KIF20B: variants seen among roughly 807,000 people sequenced by gnomAD.
KIF20B encodes kinesin family member 20B.
In KIF20B, 188 loss-of-function variants were observed where a neutral mutation model predicts 232.5. The ratio of observed to expected loss-of-function variants is 0.81; its 90% CI spans 0.72 to 0.91. The LOEUF is 0.91. KIF20B is among the 40% of genes least tolerant of loss of function. The pLI, the probability that KIF20B is intolerant of heterozygous loss-of-function variation, is 0.00. For synonymous variants in KIF20B, 712 were observed against 683.0 expected, an observed-to-expected ratio of 1.04 and a Z score of -0.66; for missense variants, 2,154 against 2,055.9, an observed-to-expected ratio of 1.05 and a Z score of -0.92.
intron 1 of KIF20B, among the ~76,000 whole-genome samples, chr10:89,702,058 A>G (rs1842622848): frequency 6.6e-6 from 1 of 152,240 alleles, no homozygotes; most frequent in South Asian, 2.1e-4. Flanking sequence ...GCTGGCACAC[A>G]GTAGGTACTA....
In KIF20B at chr10:89,774,686, T is replaced by G. The variant is rs1299412473; in HGVS notation, c.*638T>G. The G allele has an allele frequency of 6.6e-6, 1 of 152,000 alleles. No homozygotes were observed. The highest frequency in any genetic ancestry group is 1.9e-4 in the East Asian group (1 of 5,184). The allele number at this position is 152,000 out of a possible 1,614,324, so 9.4% of individuals were successfully genotyped here. A position where few individuals can be genotyped will look rare whatever the true frequency, so the allele number is the denominator to read the frequency against. ...CATTTTTCCTTTGAATTACAGATAATCCAATTACATTCTTTAGATCATTTA... is the reference window on the plus strand; with the variant it reads ...CATTTTTCCTTTGAATTACAGATAAGCCAATTACATTCTTTAGATCATTTA... On this transcript the variant is annotated 3_prime_UTR_variant, in exon 33 of 33. Coordinates refer to ENST00000371728, the MANE Select transcript of KIF20B (RefSeq NM_001284259.2).
At chr10:89,760,107 A>C (rs1842206804) in intron 27 of KIF20B, among the ~76,000 whole-genome samples, 1 of 152,184 alleles carries the variant, frequency 6.6e-6, no homozygotes, top group Admixed American at 6.6e-5. Flanking sequence ...TATCAAAAGC[A>C]ACTGTTGGGA....
intron 21 of KIF20B, among the ~76,000 whole-genome samples, chr10:89,743,348 T>G (rs191669537): frequency 1.8e-4 from 27 of 152,336 alleles, no homozygotes; most frequent in Admixed American, 1.3e-3. Context: ...CGTGGGTACC[T>G]TTTGATTTTG....
rs769322639 is a variant in KIF20B, at chr10:89,717,572, T to C, written c.1125-4T>C. The stretch of plus-strand genomic sequence containing the variant: ...TTTAAAGTACTTTTTTTTTCTTAAT[T>C]CAGATTATCTTTATGTGATCTTGCT... On this transcript the variant is annotated splice_polypyrimidine_tract_variant and splice_region_variant and intron_variant, in intron 10 of 32. Transcript: ENST00000371728. 1.2e-6 allele frequency: 2 copies of C among 1,603,322 alleles called. No homozygotes were observed. Among genetic ancestry groups the C allele is most frequent in the African/African-American group, 2.7e-5 (2 of 74,188 alleles).
chr10:89,747,845 C>A (rs1158907499), intron 23 of KIF20B, among the ~76,000 whole-genome samples: 4 of 150,572 alleles, frequency 2.7e-5, no homozygotes, highest in Admixed American at 6.6e-5. Context: ...ATGTAACTAA[C>A]CTGCACATTG....
intron 23 of KIF20B, among the ~76,000 whole-genome samples, chr10:89,747,103 G>A (rs1272018183): frequency 2.6e-5 from 4 of 152,148 alleles, no homozygotes; most frequent in African/African-American, 9.7e-5. Flanking sequence ...CTCAAAAGAA[G>A]ACATTTATGC....
chr10:89,716,572 A>G (rs751974944), intron 9 of KIF20B, 25 bp downstream of exon 9: 2 of 1,095,574 alleles, frequency 1.8e-6, no homozygotes, highest in East Asian at 2.4e-5. Flanking sequence ...CTGTAAGAGT[A>G]AACTCGAATC....
chr10:89,730,350 T>C (rs1843291038), intron 18 of KIF20B, among the ~76,000 whole-genome samples: 1 of 152,160 alleles, frequency 6.6e-6, no homozygotes, highest in African/African-American at 2.4e-5. Context: ...GGTACTATGC[T>C]AGATTATTGG....
intron 23 of KIF20B, among the ~76,000 whole-genome samples, chr10:89,749,736 G>A (rs550999620): frequency 4.6e-5 from 7 of 152,184 alleles, no homozygotes; most frequent in Admixed American, 2.6e-4. Context: ...GTATGTATCC[G>A]TACTTTATTC....
intron 19 of KIF20B, among the ~76,000 whole-genome samples, chr10:89,735,485 A>G (rs1367438547): frequency 6.6e-6 from 1 of 151,230 alleles, no homozygotes; most frequent in Non-Finnish European, 1.5e-5. Context: ...AGAAAAATGT[A>G]CCATATACTT....
chr10:89,740,026 T>C (rs766639313), intron 21 of KIF20B, among the ~76,000 whole-genome samples: 1 of 152,172 alleles, frequency 6.6e-6, no homozygotes, highest in East Asian at 1.9e-4. Flanking sequence ...AAATATCTTC[T>C]ATATGCTCTT....
chr10:89,746,903 A>G (rs2133143740), intron 23 of KIF20B, among the ~76,000 whole-genome samples: 1 of 152,388 alleles, frequency 6.6e-6, no homozygotes, highest in African/African-American at 2.4e-5. Context: ...GCTTATTCTT[A>G]GAAAAATAAA....
intron 2 of KIF20B, among the ~76,000 whole-genome samples, chr10:89,708,397 G>C (rs955970807): frequency 2.0e-5 from 3 of 152,074 alleles, no homozygotes; most frequent in Non-Finnish European, 4.4e-5. Flanking sequence ...TTTTAGTTGA[G>C]ATGGGGTTTC....
At chr10:89,744,471 A>G (rs1362221341) in intron 22 of KIF20B, among the ~76,000 whole-genome samples, 1 of 152,184 alleles carries the variant, frequency 6.6e-6, no homozygotes, top group African/African-American at 2.4e-5. Context: ...ACCAATGTTA[A>G]TTTCTTGATT....
At chr10:89,727,962 C>T (rs1453593015) in intron 17 of KIF20B, 66 bp downstream of exon 17, 15 of 1,356,122 alleles carry the variant, frequency 1.1e-5, no homozygotes, top group Non-Finnish European at 1.3e-5. Context: ...TGAATGATGA[C>T]TAGATTTGTT....
chr10:89,771,840 A>G (rs1466653982), intron 31 of KIF20B, among the ~76,000 whole-genome samples: 1 of 151,942 alleles, frequency 6.6e-6, no homozygotes, highest in Non-Finnish European at 1.5e-5. Flanking sequence ...ACTATAGAAG[A>G]GGGTGGGTAG....
Position 89,737,824 on chromosome 10 carries a change from C to T in KIF20B, c.2983C>T (p.Leu995Phe), listed in dbSNP as rs756466212. 4.3e-6 allele frequency: 7 copies of T among 1,613,404 alleles called. No homozygotes were observed. The highest frequency in any genetic ancestry group is 5.9e-6 in the Non-Finnish European group (7 of 1,179,564). Residue 995 changes from leucine to phenylalanine, a missense_variant, in exon 20 of 33, where the codon CTT becomes TTT. Physicochemically the swap from Leu to Phe is conservative, Grantham distance 22. Coordinates refer to ENST00000371728, the MANE Select transcript of KIF20B (RefSeq NM_001284259.2). ...MHTKIDELRTLDSVSQISNID... is the reference protein window; with the variant it reads ...MHTKIDELRTFDSVSQISNID... ...CACGAAAATAGACGAACTACGTACT[C>T]TTGATTCAGTTTCTCAGATTTCAAA...
intron 32 of KIF20B, 23 bp downstream of exon 32, chr10:89,772,854 A>G (rs1335411473): frequency 5.6e-6 from 9 of 1,593,014 alleles, no homozygotes; most frequent in Admixed American, 1.8e-5. Context: ...TTCTGTTTTC[A>G]TCAATGTAGA....
chr10:89,765,562 G>A (rs1216916153), intron 29 of KIF20B, among the ~76,000 whole-genome samples: 1 of 152,062 alleles, frequency 6.6e-6, no homozygotes, highest in Non-Finnish European at 1.5e-5. Flanking sequence ...AACCAAAAAA[G>A]AGCCCGCATC....
Sources: allele counts gnomAD v4.1 joint callset (sites outside exome capture counted in the v4.1 genomes callset), GRCh38; gene constraint gnomAD v4.1.1; transcripts MANE v1.5; gene names NCBI Gene and HGNC (gene_info 2026-07-23, HGNC 2026-07-21).